TMEM161A: variants seen among roughly 807,000 people sequenced by gnomAD.
TMEM161A encodes the protein adaptive response to oxidative stress protein 29.
TMEM161A carries 46 observed loss-of-function variants against 57.1 expected under a neutral mutation model. The observed-to-expected ratio is 0.81, with a 90% CI of 0.64 to 1.03. The LOEUF (loss-of-function observed/expected upper bound fraction) is 1.03, where lower values mean the gene tolerates loss of function less well. Ranked by LOEUF, TMEM161A falls within the 50% of genes least tolerant of loss-of-function variation. TMEM161A has a pLI of 0.00. For synonymous variants in TMEM161A, 288 were observed against 279.0 expected (o/e 1.03, Z -0.32); for missense variants, 601 against 621.5 (o/e 0.97, Z 0.35).
At chr19:19,131,724 C>G (rs2059960123) in intron 5 of TMEM161A, among the ~76,000 whole-genome samples, 1 of 152,152 alleles carries the variant, frequency 6.6e-6, no homozygotes, top group Non-Finnish European at 1.5e-5. Context: ...AGGGGTTTCT[C>G]AATGTTGGTC....
In TMEM161A at chr19:19,119,733, G is replaced by A. The variant is rs2059897734; in HGVS notation, c.*197C>T. The A allele has an allele frequency of 1.5e-6, 1 of 652,762 alleles. No individual in the cohort carries two copies. The allele number at this position is 652,762 out of a possible 1,614,324, so 40.4% of individuals were successfully genotyped here. A position where few individuals can be genotyped will look rare whatever the true frequency, so the allele number is the denominator to read the frequency against. On this transcript the variant is annotated 3_prime_UTR_variant, in exon 12 of 12. Coordinates refer to ENST00000162044, the MANE Select transcript of TMEM161A (RefSeq NM_017814.3). ...ATGGCCTCGGGACCCTCATGCTGCT[G>A]GGCCCAGGAGAGACAGTTCTGAGGC...
Position 19,132,456 on chromosome 19 carries a change from C to G in TMEM161A, c.339G>C (p.Ser113=). ...YQWFVDFAVY[S]GGVYLFTEAY... ...CCTCTGTGAAGAGGTACACGCCGCC[C>G]GAGTACACAGCAAAGTCCACAAACC... Residue 113 remains serine (S), a synonymous_variant, in exon 5 of 12, where the codon TCG becomes TCC. Transcript: ENST00000162044. This position sits in a 1 kb window ranked among gnomAD's most constrained non-coding sequence, Gnocchi z 4.3. 3 of 1,614,142 alleles carry G rather than the reference C, an allele frequency of 1.9e-6. No individual in the cohort carries two copies. Among genetic ancestry groups the G allele is most frequent in the Non-Finnish European group, 1.7e-6 (2 of 1,180,026 alleles).
At chr19:19,120,393 CAAT>C (rs1378901402) in intron 11 of TMEM161A, among the ~76,000 whole-genome samples, 2 of 151,374 alleles carry the variant, frequency 1.3e-5, no homozygotes, top group Non-Finnish European at 2.9e-5. Context: ...GATCCTGCCT[CAAT>C]ACATGCCCTG....
At chr19:19,120,676 C>T in intron 11 of TMEM161A, 89 bp downstream of exon 11, 4 of 1,265,706 alleles carry the variant, frequency 3.2e-6, no homozygotes, top group East Asian at 2.3e-5. Context: ...GCCTCTCCCC[C>T]CCCACCGCGG....
rs552842890 is a variant in TMEM161A, at chr19:19,132,785, G to T, written c.189-31C>A. 3 of 1,500,928 alleles carry T rather than the reference G, an allele frequency of 2.0e-6. No homozygotes were observed. In the South Asian group the frequency reaches 4.0e-5, roughly 20 times the overall value. The allele number at this position is 1,500,928 out of a possible 1,614,324, so 93.0% of individuals were successfully genotyped here. A position where few individuals can be genotyped will look rare whatever the true frequency, so the allele number is the denominator to read the frequency against. On this transcript the variant is annotated intron_variant, in intron 3 of 11. Coordinates refer to ENST00000162044, the MANE Select transcript of TMEM161A (RefSeq NM_017814.3). This position sits in a 1 kb window ranked among gnomAD's most constrained non-coding sequence, Gnocchi z 4.3. ...AGGATGGTGACAAGCAAGAGGGACGGTGAGCACGCATTCCACTGAGGCCAG... is the reference window on the plus strand; with the variant it reads ...AGGATGGTGACAAGCAAGAGGGACGTTGAGCACGCATTCCACTGAGGCCAG...
rs778557536 is a variant in TMEM161A at position 19,121,305 on chromosome 19, C to G, written c.914+3G>C. The G allele has an allele frequency of 7.1e-6, 11 of 1,559,916 alleles. No individual in the cohort carries two copies. The highest frequency in any genetic ancestry group is 9.6e-6 in the Non-Finnish European group (11 of 1,151,736). Reference sequence around the variant, plus strand: ...CTACCTCCTAGCCCCACCCAATACGCACAGGGAGAAACGCGTCTCCCCAAA... The same window carrying G: ...CTACCTCCTAGCCCCACCCAATACGGACAGGGAGAAACGCGTCTCCCCAAA... On this transcript the variant is annotated splice_donor_region_variant and intron_variant, in intron 9 of 11. Coordinates refer to ENST00000162044, the MANE Select transcript of TMEM161A (RefSeq NM_017814.3). This position sits in a 1 kb window ranked among gnomAD's most constrained non-coding sequence, Gnocchi z 5.8.
In TMEM161A at chr19:19,131,207, TA is replaced by T. The variant is rs930471913; in HGVS notation, c.444-901del. On this transcript the variant is annotated intron_variant, in intron 5 of 11. Transcript: ENST00000162044. The stretch of plus-strand genomic sequence containing the variant: ...TGCACTCCAGCCTGGGCAACAAGAG[TA>T]AAACTCCATCTCAAAAAACAAAACA... Among the ~76,000 whole-genome samples, 8 of 150,378 alleles carry T rather than the reference TA, an allele frequency of 5.3e-5. No individual in the cohort carries two copies. In the Admixed American group the frequency reaches 5.3e-4, roughly 10 times the overall value.
chr19:19,131,505 T>C (rs907636700), intron 5 of TMEM161A, among the ~76,000 whole-genome samples: 4 of 101,930 alleles, frequency 3.9e-5, no homozygotes, highest in African/African-American at 1.5e-4. Context: ...TATATATATA[T>C]ATACACACAC....
rs974098878 is a variant in TMEM161A, at chr19:19,121,925, A to G, written c.596-106T>C. 2 of 1,303,846 alleles carry G rather than the reference A, an allele frequency of 1.5e-6. No individual in the cohort carries two copies. Among genetic ancestry groups the G allele is most frequent in the African/African-American group, 1.5e-5 (1 of 68,444 alleles). The allele number at this position is 1,303,846 out of a possible 1,614,324, so 80.8% of individuals were successfully genotyped here. A position where few individuals can be genotyped will look rare whatever the true frequency, so the allele number is the denominator to read the frequency against. ...TCAGGCATCCGTTTGCTTCCCAAGT[A>G]GGAATGAACAAGGGTCTGCCAGGCC... On this transcript the variant is annotated intron_variant, in intron 6 of 11. Coordinates refer to ENST00000162044, the MANE Select transcript of TMEM161A (RefSeq NM_017814.3). This position sits in a 1 kb window ranked among gnomAD's most constrained non-coding sequence, Gnocchi z 5.8.
At chr19:19,120,665 C>T (rs2059904488) in intron 11 of TMEM161A, 100 bp downstream of exon 11, 1 of 1,122,334 alleles carries the variant, frequency 8.9e-7, no homozygotes, top group Non-Finnish European at 1.3e-6. Context: ...GCCTAGGCCC[C>T]GCCTCTCCCC....
At position 19,135,572 on chromosome 19, in the gene TMEM161A, T is replaced by A. The variant is rs187966988; in HGVS notation, c.4-685A>T. 5.9e-3 allele frequency among the ~76,000 whole-genome samples: 903 copies of A among 152,224 alleles called. 11 individuals are homozygous for A. The highest frequency in any genetic ancestry group is 0.019 in the African/African-American group (806 of 41,528). On this transcript the variant is annotated intron_variant, in intron 1 of 11. Transcript: ENST00000162044. ...TTTATTTTTATTTATTTATTTATTT[T>A]TTTGGCAAGGGAGTGGTGGGGAGAA...
At chr19:19,129,939 G>A (rs2059949319) in intron 6 of TMEM161A, among the ~76,000 whole-genome samples, 1 of 152,104 alleles carries the variant, frequency 6.6e-6, no homozygotes, top group South Asian at 2.1e-4. Flanking sequence ...CTATAGCCAT[G>A]AGTGTCCATC....
chr19:19,133,270 T>C (rs754998214), intron 2 of TMEM161A, 60 bp from the exon 3 acceptor site: 7 of 1,505,206 alleles, frequency 4.7e-6, no homozygotes, highest in Non-Finnish European at 6.5e-6. Context: ...GTTGAGGCAG[T>C]GAACCCCAAA....
chr19:19,124,375 A>C (rs2059922455), intron 6 of TMEM161A, among the ~76,000 whole-genome samples: 1 of 152,220 alleles, frequency 6.6e-6, no homozygotes, highest in Non-Finnish European at 1.5e-5. Context: ...AAGGCAAAAC[A>C]ACAAAAACAG....
intron 5 of TMEM161A, among the ~76,000 whole-genome samples, chr19:19,131,751 C>A (rs545553711): frequency 6.6e-6 from 1 of 152,248 alleles, no homozygotes; most frequent in Non-Finnish European, 1.5e-5. Flanking sequence ...GTCTTGAACT[C>A]CTGACCTCAG....
In TMEM161A at chr19:19,121,145, G is replaced by A. The variant is rs2059907987; in HGVS notation, c.936C>T (p.Asp312=). 1 of 1,608,832 alleles carries A rather than the reference G, an allele frequency of 6.2e-7. No homozygotes were observed. ...CCACCAGCAACCAGAGGCGCCCAGA[G>A]TCGAAGGCAGAATCGGACAGCCTGT... The part of the protein sequence containing the change: ...RFSLLSDSAF[D]SGRLWLLVVL... Residue 312 remains aspartate (D), a synonymous_variant, in exon 10 of 12, where the codon GAC becomes GAT. Transcript: ENST00000162044. The surrounding 1 kb of genome is among the most constrained non-coding windows in gnomAD (Gnocchi z 5.8).
intron 11 of TMEM161A, among the ~76,000 whole-genome samples, chr19:19,120,503 A>G: frequency 6.7e-6 from 1 of 148,468 alleles, no homozygotes; most frequent in Non-Finnish European, 1.5e-5. Flanking sequence ...TCCTGCTCAG[A>G]CCCTGCCTCA....
chr19:19,120,964 C>T (rs2059906507), intron 10 of TMEM161A, 28 bp downstream of exon 10: 1 of 1,608,314 alleles, frequency 6.2e-7, no homozygotes, highest in Admixed American at 1.7e-5. Flanking sequence ...CAGGTTCCCT[C>T]TGGCCTAGGT....
In TMEM161A at chr19:19,120,842, T is replaced by A. The variant is rs762042451; in HGVS notation, c.1109A>T (p.Tyr370Phe). 1.5e-5 allele frequency: 24 copies of A among 1,613,284 alleles called. No homozygotes were observed. The highest frequency in any genetic ancestry group is 1.4e-5 in the Non-Finnish European group (17 of 1,180,026). Residue 370 changes from tyrosine (Y) to phenylalanine (F), a missense_variant, in exon 11 of 12, where the codon TAT becomes TTT. By Grantham distance (22) the Tyr-to-Phe change is conservative (BLOSUM62 3). Coordinates refer to ENST00000162044, the MANE Select transcript of TMEM161A (RefSeq NM_017814.3). ...GTACTGCAAGCTCACCACGGTCACA[T>A]AGCAGTAGACTCGGACCACCTGTGG... ...IQQRVVRVYC[Y>F]VTVVSLQYLT... is the part of the protein sequence containing the mutation.
Sources: gnomAD v4.1 joint callset for allele counts (sites outside exome capture counted in the v4.1 genomes callset) on GRCh38, gnomAD v4.1.1 for gene constraint, Gnocchi (gnomAD v3.1) non-coding constraint, MANE v1.5 for transcripts, NCBI Gene and HGNC (gene_info 2026-07-23, HGNC 2026-07-21) for gene names.